MB21D2: variants seen among roughly 807,000 people sequenced by gnomAD.
MB21D2 encodes the protein Mab-21 domain containing 2, also known as nucleotidyltransferase MB21D2.
In MB21D2, 9 loss-of-function variants were observed where a neutral mutation model predicts 33.3. The observed-to-expected ratio is 0.27, with a 90% CI of 0.16 to 0.47. The LOEUF (loss-of-function observed/expected upper bound fraction) is 0.47. MB21D2 is among the 20% of genes least tolerant of loss of function. The pLI is 0.99. For missense variants in MB21D2, 540 were observed against 624.6 expected, an observed-to-expected ratio of 0.86 and a Z score of 1.44; for synonymous variants, 241 against 236.3, an observed-to-expected ratio of 1.02 and a Z score of -0.18.
chr3:192,832,037 T>C (rs1204841970), intron 1 of MB21D2, among the ~76,000 whole-genome samples: 1 of 152,054 alleles, frequency 6.6e-6, no homozygotes, highest in African/African-American at 2.4e-5. Flanking sequence ...AAAAAAACAG[T>C]CAAGGAGAAC....
chr3:192,857,541 A>T (rs993094040), intron 1 of MB21D2, among the ~76,000 whole-genome samples: 2 of 152,182 alleles, frequency 1.3e-5, no homozygotes, highest in African/African-American at 4.8e-5. Context: ...TATCCCTTTC[A>T]GCGTGCGCAT....
chr3:192,839,584 T>G (rs1046809853), intron 1 of MB21D2, among the ~76,000 whole-genome samples: 3 of 152,196 alleles, frequency 2.0e-5, no homozygotes, highest in African/African-American at 7.2e-5. Flanking sequence ...TATTTTGTAT[T>G]TGCAGGTATG....
chr3:192,824,546 A>G (rs1021241355), intron 1 of MB21D2, among the ~76,000 whole-genome samples: 2 of 151,656 alleles, frequency 1.3e-5, no homozygotes, highest in African/African-American at 4.8e-5. Context: ...CTGGACATCA[A>G]TTGCCTTGTG....
At chr3:192,890,166 G>A (rs1713818545) in intron 1 of MB21D2, among the ~76,000 whole-genome samples, 1 of 152,058 alleles carries the variant, frequency 6.6e-6, no homozygotes, top group South Asian at 2.1e-4. Context: ...AGTGGAGCAT[G>A]TCCCTGCTTC....
At chr3:192,851,491 G>GGTT (rs775394671) in intron 1 of MB21D2, among the ~76,000 whole-genome samples, 8 of 97,594 alleles carry the variant, frequency 8.2e-5, no homozygotes, top group African/African-American at 3.6e-4. Flanking sequence ...TTTTTTGTCT[G>GGTT]TTTTTTTTTT....
At chr3:192,911,224 T>G (rs1714344889) in intron 1 of MB21D2, among the ~76,000 whole-genome samples, 1 of 152,200 alleles carries the variant, frequency 6.6e-6, no homozygotes, top group African/African-American at 2.4e-5. Context: ...TTTTTCTAAT[T>G]CTAGGGTTCA....
At chr3:192,810,563 T>C (rs532512146) in intron 1 of MB21D2, among the ~76,000 whole-genome samples, 5 of 152,342 alleles carry the variant, frequency 3.3e-5, no homozygotes, top group African/African-American at 1.2e-4. Flanking sequence ...CTTGTTTTAC[T>C]GTTTACTTTA....
intron 1 of MB21D2, among the ~76,000 whole-genome samples, chr3:192,882,811 T>C (rs1393547295): frequency 6.6e-6 from 1 of 151,824 alleles, no homozygotes; most frequent in Non-Finnish European, 1.5e-5. Context: ...CTTGGCTCAC[T>C]GCAACCTTCA....
chr3:192,841,160 GAAGT>G (rs1712564204), intron 1 of MB21D2, among the ~76,000 whole-genome samples: 1 of 152,242 alleles, frequency 6.6e-6, no homozygotes, highest in Admixed American at 6.5e-5. Context: ...CACTTTGGAT[GAAGT>G]AAGGGAACCA....
In MB21D2 at chr3:192,909,210, C is replaced by T. The variant is rs540898709; in HGVS notation, c.211+8420G>A. Among the ~76,000 whole-genome samples, 6 of 150,602 alleles carry T rather than the reference C, an allele frequency of 4.0e-5. No homozygotes were observed. In the South Asian group the frequency reaches 1.1e-3, roughly 26 times the overall value. On this transcript the variant is annotated intron_variant, in intron 1 of 1. Transcript: ENST00000392452. ...GGCGGAGCTTGCAGTGAGCCGAGAT[C>T]GCACCACTGCACTCCAGCCTGGGTG...
intron 1 of MB21D2, among the ~76,000 whole-genome samples, chr3:192,860,403 T>G (rs1462052530): frequency 6.6e-6 from 1 of 152,236 alleles, no homozygotes; most frequent in Non-Finnish European, 1.5e-5. Context: ...TATCTATTAA[T>G]TTTAATGTTG....
intron 1 of MB21D2, among the ~76,000 whole-genome samples, chr3:192,807,462 T>C (rs144108688): frequency 7.9e-5 from 12 of 152,228 alleles, no homozygotes; most frequent in South Asian, 2.1e-4. Flanking sequence ...AAGCTTGTGA[T>C]GGAGATGCTC....
intron 1 of MB21D2, among the ~76,000 whole-genome samples, chr3:192,803,207 C>G (rs1711591565): frequency 6.6e-6 from 1 of 152,210 alleles, no homozygotes. Flanking sequence ...AATATACACA[C>G]TAGAAAATTC....
intron 1 of MB21D2, among the ~76,000 whole-genome samples, chr3:192,916,739 AC>A (rs1466469564): frequency 1.4e-4 from 21 of 152,242 alleles, no homozygotes; most frequent in African/African-American, 4.6e-4. Flanking sequence ...ATGTTCCTTT[AC>A]ACAGCATTCA....
intron 1 of MB21D2, among the ~76,000 whole-genome samples, chr3:192,913,689 G>A (rs1225989228): frequency 6.6e-6 from 1 of 151,980 alleles, no homozygotes; most frequent in Non-Finnish European, 1.5e-5. Context: ...AAAATTAGCT[G>A]GGCACGGTGG....
rs1720554681 is a variant in MB21D2, at chr3:192,797,785, A to G, written c.*601T>C. Reference sequence around the variant, plus strand: ...TGTTCTCTGATTTGAGGACAATTACATTCAATGAAGTTGCTCCAAAACACA... The same window carrying G: ...TGTTCTCTGATTTGAGGACAATTACGTTCAATGAAGTTGCTCCAAAACACA... On this transcript the variant is annotated 3_prime_UTR_variant, in exon 2 of 2. Coordinates refer to ENST00000392452, the MANE Select transcript of MB21D2 (RefSeq NM_178496.4). 6.5e-6 allele frequency: 1 copy of G among 152,694 alleles called. No individual in the cohort carries two copies. The highest frequency in any genetic ancestry group is 1.5e-5 in the Non-Finnish European group (1 of 68,092). The allele number at this position is 152,694 out of a possible 1,614,324, so 9.5% of individuals were successfully genotyped here. A position where few individuals can be genotyped will look rare whatever the true frequency, so the allele number is the denominator to read the frequency against.
intron 1 of MB21D2, among the ~76,000 whole-genome samples, chr3:192,864,196 G>C (rs1198065140): frequency 6.6e-6 from 1 of 152,206 alleles, no homozygotes; most frequent in Admixed American, 6.5e-5. Context: ...AGGTAGGGAA[G>C]TACTTTCTAG....
chr3:192,908,888 G>A (rs1577204264), intron 1 of MB21D2, among the ~76,000 whole-genome samples: 1 of 152,226 alleles, frequency 6.6e-6, no homozygotes, highest in East Asian at 1.9e-4. Flanking sequence ...GAAGCCTATA[G>A]ATCCCTGCAG....
intron 1 of MB21D2, among the ~76,000 whole-genome samples, chr3:192,837,904 A>G (rs934820901): frequency 6.6e-6 from 1 of 152,226 alleles, no homozygotes; most frequent in Middle Eastern, 3.2e-3. Flanking sequence ...GGTACCGCCC[A>G]TCTATTTCTA....
Sources: gnomAD v4.1 joint callset for allele counts (sites outside exome capture counted in the v4.1 genomes callset) on GRCh38, gnomAD v4.1.1 for gene constraint, MANE v1.5 for transcripts, NCBI Gene and HGNC (gene_info 2026-07-23, HGNC 2026-07-21) for gene names.